PRMT9: variants seen among roughly 807,000 people sequenced by gnomAD.
The protein encoded by PRMT9 is protein arginine N-methyltransferase 9.
PRMT9 carries 59 observed loss-of-function variants against 83.2 expected under a neutral mutation model. The observed-to-expected ratio is 0.71, with a 90% confidence interval of 0.57 to 0.88. The LOEUF (loss-of-function observed/expected upper bound fraction) is 0.88. PRMT9 is among the 40% of genes least tolerant of loss of function. PRMT9 has a pLI of 0.00. For missense variants in PRMT9, 947 were observed against 1,021.9 expected, an observed-to-expected ratio of 0.93 and a Z score of 1.00; for synonymous variants, 333 against 353.2, an observed-to-expected ratio of 0.94 and a Z score of 0.64.
chr4:147,667,682 T>A (rs1011979229), intron 6 of PRMT9, among the ~76,000 whole-genome samples: 9 of 152,180 alleles, frequency 5.9e-5, no homozygotes, highest in Non-Finnish European at 8.8e-5. Context: ...TATCAGTATG[T>A]CCTAAAATAT....
Position 147,642,923 on chromosome 4 carries a change from C to T in PRMT9, c.2063G>A (p.Gly688Glu), listed in dbSNP as rs1733503814. 1 of 1,614,066 alleles carries T rather than the reference C, an allele frequency of 6.2e-7. No individual in the cohort carries two copies. Among genetic ancestry groups the T allele is most frequent in the Non-Finnish European group, 8.5e-7 (1 of 1,179,956 alleles). ...CACATACTGAGGAAAGATCTTGCCT[C>T]CAGATTGTAGTAAACACCTAAGAAA... ...AAISRCLLQS[G>E]GKIFPQYVLM... is the part of the protein sequence containing the mutation. Residue 688 changes from glycine to glutamate, a missense_variant, in exon 10 of 12, where the codon GGA becomes GAA. Coordinates refer to ENST00000322396, the MANE Select transcript of PRMT9 (RefSeq NM_138364.4).
chr4:147,639,301 C>G (rs1733224945), intron 10 of PRMT9: 1 of 489,146 alleles, frequency 2.0e-6, no homozygotes, highest in African/African-American at 1.9e-5. Flanking sequence ...AAAGAATGAA[C>G]AAACCAAGGT....
intron 4 of PRMT9, 27 bp from the exon 5 acceptor site, chr4:147,670,770 T>C (rs759510293): frequency 7.1e-7 from 1 of 1,413,626 alleles, no homozygotes; most frequent in Non-Finnish European, 1.0e-6. Flanking sequence ...TAAAGATATA[T>C]GTAAGTAAAA....
chr4:147,668,326 G>A (rs550019502), intron 6 of PRMT9, among the ~76,000 whole-genome samples: 38 of 151,998 alleles, frequency 2.5e-4, no homozygotes, highest in African/African-American at 8.2e-4. Flanking sequence ...ACTCACCCAC[G>A]TGGTCTCGTG....
chr4:147,654,928 C>A (rs1578896199), intron 8 of PRMT9, among the ~76,000 whole-genome samples: 1 of 152,090 alleles, frequency 6.6e-6, no homozygotes, highest in South Asian at 2.1e-4. Flanking sequence ...TAAAGGCTAA[C>A]AACAACAAAG....
At chr4:147,674,758 A>G (rs1735955269) in intron 2 of PRMT9, among the ~76,000 whole-genome samples, 1 of 152,190 alleles carries the variant, frequency 6.6e-6, no homozygotes, top group Non-Finnish European at 1.5e-5. Context: ...CTTCTGCATT[A>G]CAGTTTCCTA....
At chr4:147,680,985 T>C (rs893099507) in intron 1 of PRMT9, among the ~76,000 whole-genome samples, 2 of 152,264 alleles carry the variant, frequency 1.3e-5, no homozygotes, top group Non-Finnish European at 1.5e-5. Flanking sequence ...AAATATTTCC[T>C]GAACAATCCT....
In PRMT9 at chr4:147,657,983, A is replaced by C. The variant is rs1734652687; in HGVS notation, c.1147-8T>G. Reference sequence around the variant, plus strand: ...TGCAAGACTTTTTAATTCCTGAGAAAAATGTAGAAGGAATGAAACGGTTTT... The same window carrying C: ...TGCAAGACTTTTTAATTCCTGAGAACAATGTAGAAGGAATGAAACGGTTTT... On this transcript the variant is annotated splice_region_variant and splice_polypyrimidine_tract_variant and intron_variant, in intron 7 of 11. Coordinates refer to ENST00000322396, the MANE Select transcript of PRMT9 (RefSeq NM_138364.4). 3 of 1,570,220 alleles carry C rather than the reference A, an allele frequency of 1.9e-6. No individual in the cohort carries two copies. In the East Asian group the frequency reaches 6.7e-5, roughly 35 times the overall value.
At chr4:147,679,424 C>A (rs552927579) in intron 2 of PRMT9, among the ~76,000 whole-genome samples, 1 of 150,788 alleles carries the variant, frequency 6.6e-6, no homozygotes, top group South Asian at 2.1e-4. Context: ...CCAACCTGAG[C>A]GACACAGTGA....
rs147603635 is a variant in PRMT9, at chr4:147,654,508, G to C, written c.1389C>G (p.Tyr463Ter). ...VMMEVSCQDCYLRIQSISVLG... is the reference protein window; with the variant it reads ...VMMEVSCQDC The stretch of plus-strand genomic sequence containing the variant: ...AGACACTAATACTCTGGATTCTTAA[G>C]TAACAGTCTTGACAAGATACTTCCA... The change falls in exon 9 of 12, where the codon TAC becomes TAG. Residue 463 changes from tyrosine (Y) to a stop codon, truncating the protein, a stop_gained. Coordinates refer to ENST00000322396, the MANE Select transcript of PRMT9 (RefSeq NM_138364.4). LOFTEE classifies it high-confidence loss of function. 1.2e-6 allele frequency: 2 copies of C among 1,613,872 alleles called. No individual in the cohort carries two copies. Among genetic ancestry groups the C allele is most frequent in the South Asian group, 2.2e-5 (2 of 91,078 alleles).
At chr4:147,647,911 C>T (rs1457281266) in intron 9 of PRMT9, among the ~76,000 whole-genome samples, 1 of 152,126 alleles carries the variant, frequency 6.6e-6, no homozygotes, top group Non-Finnish European at 1.5e-5. Flanking sequence ...ATCAAGGGTT[C>T]CCACAATGTC....
At chr4:147,676,417 T>C (rs1046388177) in intron 2 of PRMT9, among the ~76,000 whole-genome samples, 9 of 152,228 alleles carry the variant, frequency 5.9e-5, no homozygotes, top group African/African-American at 1.9e-4. Context: ...TTGAGGAGAT[T>C]ATTCATAAAA....
chr4:147,668,833 T>A (rs978145461), intron 5 of PRMT9, among the ~76,000 whole-genome samples, 188 bp from the exon 6 acceptor site: 1 of 152,160 alleles, frequency 6.6e-6, no homozygotes, highest in African/African-American at 2.4e-5. Flanking sequence ...ACGCCTGTAA[T>A]CCCAGCACTT....
chr4:147,659,105 G>T (rs1168834082), intron 7 of PRMT9, among the ~76,000 whole-genome samples: 1 of 149,802 alleles, frequency 6.7e-6, no homozygotes, highest in African/African-American at 2.5e-5. Context: ...CGTGAACCCG[G>T]AAGGTGGAGC....
Position 147,638,394 on chromosome 4 carries a change from T to A in PRMT9, c.*138A>T, listed in dbSNP as rs1733149650. ...TGCTACCCTTTTATTTAGAATCTTT[T>A]AAAATATGCTTTATTAATGTCAATT... On this transcript the variant is annotated 3_prime_UTR_variant, in exon 12 of 12. Coordinates refer to ENST00000322396, the MANE Select transcript of PRMT9 (RefSeq NM_138364.4). 1 of 683,206 alleles carries A rather than the reference T, an allele frequency of 1.5e-6. No individual in the cohort carries two copies. 42.3% of individuals were successfully genotyped at this position (683,206 alleles called of 1,614,324 possible).
In PRMT9 at chr4:147,654,421, C is replaced by G. The variant is rs528315267; in HGVS notation, c.1476G>C (p.Ser492=). The change falls in exon 9 of 12, where the codon TCG becomes TCC. Residue 492 remains serine, a synonymous_variant. Transcript: ENST00000322396. ...TACAAAGTTCAGCCTCATTTCCTAA[C>G]GATAACAAGTCTTTATTCTGGGTAA... ...KSFTQNKDLL[S]LGNEAELCSA... 6.2e-7 allele frequency: 1 copy of G among 1,614,024 alleles called. No homozygotes were observed. The highest frequency in any genetic ancestry group is 8.5e-7 in the Non-Finnish European group (1 of 1,180,022).
chr4:147,654,357 C>T lies in PRMT9; in HGVS notation c.1540G>A (p.Val514Ile). ...ANLQTSKPDA[V>I]EQTCILESTE... ...GATTCCAATATACATGTCTGCTCTACAGCATCTGGTTTACTGGTCTGAAGG... is the reference window on the plus strand; with the variant it reads ...GATTCCAATATACATGTCTGCTCTATAGCATCTGGTTTACTGGTCTGAAGG... Residue 514 changes from valine to isoleucine, a missense_variant, in exon 9 of 12, where the codon GTA (valine) becomes ATA (isoleucine). Physicochemically the swap from Val to Ile is conservative, Grantham distance 29. Coordinates refer to ENST00000322396, the MANE Select transcript of PRMT9 (RefSeq NM_138364.4). 6.2e-7 allele frequency: 1 copy of T among 1,614,182 alleles called. No individual in the cohort carries two copies. The highest frequency in any genetic ancestry group is 1.3e-5 in the African/African-American group (1 of 75,058).
At chr4:147,673,310 G>C (rs1735856455) in intron 3 of PRMT9, among the ~76,000 whole-genome samples, 184 bp from the exon 4 acceptor site, 1 of 151,542 alleles carries the variant, frequency 6.6e-6, no homozygotes, top group Non-Finnish European at 1.5e-5. Context: ...ATAAACCATG[G>C]GATCTACTCT....
At position 147,642,791 on chromosome 4, in the gene PRMT9, A is replaced by G; in HGVS notation, c.2195T>C (p.Phe732Ser). Residue 732 changes from phenylalanine (F) to serine (S), a missense_variant, in exon 10 of 12, where the codon TTT becomes TCT. Coordinates refer to ENST00000322396, the MANE Select transcript of PRMT9 (RefSeq NM_138364.4). ...GLNIAPFINQ[F>S]QVPIRVFLDL... ...ACTTCTCCTCTAGACACTTACCTGA[A>G]ACTGGTTAATAAAAGGTGCTATATT... The G allele has an allele frequency of 6.2e-7, 1 of 1,613,316 alleles. No individual in the cohort carries two copies. The highest frequency in any genetic ancestry group is 8.5e-7 in the Non-Finnish European group (1 of 1,179,330).
Sources: gnomAD v4.1 joint callset for allele counts (sites outside exome capture counted in the v4.1 genomes callset) on GRCh38, gnomAD v4.1.1 for gene constraint, MANE v1.5 for transcripts, NCBI Gene and HGNC (gene_info 2026-07-23, HGNC 2026-07-21) for gene names.